Variants in CACNA2D3 observed in about 807,000 individuals in gnomAD.
CACNA2D3 encodes the protein voltage-dependent calcium channel subunit alpha-2/delta-3.
Under a neutral mutation model 160.6 loss-of-function variants are expected in CACNA2D3, and 60 were observed. The observed-to-expected ratio is 0.37, with a 90% confidence interval of 0.30 to 0.46. CACNA2D3 has a LOEUF of 0.46. Among genes scored for constraint, CACNA2D3 ranks in the 20% least tolerant of loss-of-function variants. The pLI, the probability that CACNA2D3 is intolerant of heterozygous loss-of-function variation, is 1.00. For synonymous variants in CACNA2D3, 558 were observed against 492.9 expected (o/e 1.13, Z -1.75); for missense variants, 1,205 against 1,365.0 (o/e 0.88, Z 1.85).
chr3:54,933,056 CCTT>C (rs1559635628), intron 27 of CACNA2D3, among the ~76,000 whole-genome samples: 197 of 6,900 alleles, frequency 0.029, 1 homozygote, highest in Non-Finnish European at 0.045. Flanking sequence ...TCCCTCCCTT[CCTT>C]CCTTCCTTCC....
intron 11 of CACNA2D3, among the ~76,000 whole-genome samples, chr3:54,722,880 G>C (rs551586292): frequency 6.6e-6 from 1 of 152,154 alleles, no homozygotes; most frequent in Non-Finnish European, 1.5e-5. Flanking sequence ...GTCAGGGACC[G>C]ACTTGAGGAG....
chr3:54,635,164 A>G (rs533041324), intron 10 of CACNA2D3, among the ~76,000 whole-genome samples: 3 of 151,954 alleles, frequency 2.0e-5, no homozygotes, highest in Admixed American at 1.3e-4. Context: ...GTTGTATAGA[A>G]TGATTGGTGA....
intron 2 of CACNA2D3, among the ~76,000 whole-genome samples, chr3:54,282,907 T>C (rs1366712814): frequency 1.3e-5 from 2 of 152,058 alleles, no homozygotes; most frequent in Non-Finnish European, 2.9e-5. Context: ...AACCCTATCA[T>C]AGTAGTTAGC....
At chr3:54,439,131 A>G (rs1467113462) in intron 4 of CACNA2D3, among the ~76,000 whole-genome samples, 3 of 152,146 alleles carry the variant, frequency 2.0e-5, no homozygotes, top group East Asian at 3.9e-4. Context: ...TCCCTATCCC[A>G]TTGATCCTAT....
intron 35 of CACNA2D3, among the ~76,000 whole-genome samples, chr3:55,036,220 G>A (rs1311381654): frequency 6.6e-6 from 1 of 152,082 alleles, no homozygotes; most frequent in African/African-American, 2.4e-5. Context: ...GCCAGGGTGG[G>A]TAGATCACTT....
Position 54,648,191 on chromosome 3 carries a change from A to G in CACNA2D3, c.1167+5950A>G, listed in dbSNP as rs376157445. 1.3e-3 allele frequency among the ~76,000 whole-genome samples: 201 copies of G among 152,378 alleles called. 2 individuals are homozygous for G. The highest frequency in any genetic ancestry group is 4.6e-3 in the African/African-American group (190 of 41,598). On this transcript the variant is annotated intron_variant, in intron 11 of 37. Transcript: ENST00000474759. ...GTGGTCCATGTGCCAAATCTGGCCC[A>G]TTGCCTGCTTTTGCAGCTTATGAGT... is the stretch of plus-strand genomic sequence containing the variant.
At chr3:54,805,952 C>A (rs1245853820) in intron 13 of CACNA2D3, among the ~76,000 whole-genome samples, 4 of 152,054 alleles carry the variant, frequency 2.6e-5, no homozygotes, top group Non-Finnish European at 4.4e-5. Context: ...AGACAAAAAC[C>A]ACATGATTAT....
At chr3:54,444,281 T>C (rs1343222173) in intron 4 of CACNA2D3, among the ~76,000 whole-genome samples, 1 of 152,156 alleles carries the variant, frequency 6.6e-6, no homozygotes, top group Non-Finnish European at 1.5e-5. Flanking sequence ...TCTAGCATCT[T>C]CCTTACCACA....
chr3:54,519,324 A>T (rs1319204873), intron 5 of CACNA2D3, among the ~76,000 whole-genome samples: 1 of 152,182 alleles, frequency 6.6e-6, no homozygotes, highest in African/African-American at 2.4e-5. Flanking sequence ...GTTCACAGAG[A>T]TGTGAGTAGG....
intron 13 of CACNA2D3, among the ~76,000 whole-genome samples, chr3:54,794,139 A>G (rs1702818650): frequency 6.6e-6 from 1 of 152,212 alleles, no homozygotes; most frequent in Non-Finnish European, 1.5e-5. Context: ...ATGTATCTAT[A>G]TATTATGTTT....
chr3:55,074,372 A>G lies in CACNA2D3; in HGVS notation c.*166A>G. Reference sequence around the variant, plus strand: ...GTGCGTGATATAAACTCTTAAAGATATGTTGACAAAAAGTTATCTATCATC... The same window carrying G: ...GTGCGTGATATAAACTCTTAAAGATGTGTTGACAAAAAGTTATCTATCATC... On this transcript the variant is annotated 3_prime_UTR_variant, in exon 38 of 38. Transcript: ENST00000474759. 1 of 597,784 alleles carries G rather than the reference A, an allele frequency of 1.7e-6. No individual in the cohort carries two copies. The highest frequency in any genetic ancestry group is 3.0e-6 in the Non-Finnish European group (1 of 337,078). 37.0% of individuals were successfully genotyped at this position (597,784 alleles called of 1,614,324 possible). A position where few individuals can be genotyped will look rare whatever the true frequency, so the allele number is the denominator to read the frequency against.
intron 17 of CACNA2D3, among the ~76,000 whole-genome samples, chr3:54,847,957 C>A (rs911347757): frequency 7.2e-5 from 11 of 152,112 alleles, no homozygotes; most frequent in Non-Finnish European, 2.9e-5. Context: ...AATCTTCTAC[C>A]AGTAAATGGA....
At chr3:54,407,310 G>C (rs1699594482) in intron 4 of CACNA2D3, among the ~76,000 whole-genome samples, 1 of 152,138 alleles carries the variant, frequency 6.6e-6, no homozygotes, top group Admixed American at 6.6e-5. Flanking sequence ...ATCTGTAGGA[G>C]AAATAAATGA....
intron 2 of CACNA2D3, among the ~76,000 whole-genome samples, chr3:54,206,927 G>A (rs952209878): frequency 2.0e-5 from 3 of 152,182 alleles, no homozygotes; most frequent in African/African-American, 4.8e-5. Flanking sequence ...AGTGACTTGG[G>A]GACCTGGGTC....
chr3:54,367,831 C>T lies in CACNA2D3; in HGVS notation c.322-18884C>T, dbSNP rs77711342. On this transcript the variant is annotated intron_variant, in intron 3 of 37. Coordinates refer to ENST00000474759, the MANE Select transcript of CACNA2D3 (RefSeq NM_018398.3). Reference sequence around the variant, plus strand: ...TTAACACTCGTTTGCTCTTTCTTGGCCCCTGACCAAGAAACGTTTTCTGCC... The same window carrying T: ...TTAACACTCGTTTGCTCTTTCTTGGTCCCTGACCAAGAAACGTTTTCTGCC... Among the ~76,000 whole-genome samples, 1,356 of 152,286 alleles carry T rather than the reference C, an allele frequency of 8.9e-3. 12 individuals are homozygous for T. Among genetic ancestry groups the T allele is most frequent in the Non-Finnish European group, 0.015 (1,037 of 68,014 alleles).
At chr3:54,631,033 C>T (rs1194354549) in intron 10 of CACNA2D3, among the ~76,000 whole-genome samples, 1 of 152,106 alleles carries the variant, frequency 6.6e-6, no homozygotes, top group East Asian at 1.9e-4. Context: ...GAAATCCCGT[C>T]TCTACTAAAA....
intron 9 of CACNA2D3, among the ~76,000 whole-genome samples, chr3:54,594,674 T>A (rs1268470240): frequency 6.6e-6 from 1 of 152,238 alleles, no homozygotes; most frequent in Non-Finnish European, 1.5e-5. Flanking sequence ...AAGACTTGGA[T>A]ATATGTTGTA....
At position 55,029,086 on chromosome 3, in the gene CACNA2D3, A is replaced by G. The variant is rs146912247; in HGVS notation, c.2987+10769A>G. ...TCTCAAGCTGGGTGGGCAATTTACC[A>G]CAAGTCTTTAGACTGTTCTCAGTGA... On this transcript the variant is annotated intron_variant, in intron 35 of 37. Coordinates refer to ENST00000474759, the MANE Select transcript of CACNA2D3 (RefSeq NM_018398.3). 4.0e-3 allele frequency among the ~76,000 whole-genome samples: 607 copies of G among 152,292 alleles called. 2 individuals are homozygous for G. Among genetic ancestry groups the G allele is most frequent in the Non-Finnish European group, 7.3e-3 (494 of 68,030 alleles).
At chr3:54,559,887 C>T (rs1018228946) in intron 5 of CACNA2D3, among the ~76,000 whole-genome samples, 2 of 152,156 alleles carry the variant, frequency 1.3e-5, no homozygotes, top group Non-Finnish European at 2.9e-5. Context: ...AGGATAATGG[C>T]CTGCAGTTCC....
Sources: gnomAD v4.1 joint callset for allele counts (sites outside exome capture counted in the v4.1 genomes callset) on GRCh38, gnomAD v4.1.1 for gene constraint, MANE v1.5 for transcripts, NCBI Gene and HGNC (gene_info 2026-07-23, HGNC 2026-07-21) for gene names.